Variants in HDAC9 observed in about 807,000 individuals in gnomAD.
HDAC9 encodes the protein histone deacetylase 9.
HDAC9 carries 41 observed loss-of-function variants against 139.4 expected under a neutral mutation model. That is an observed-to-expected ratio of 0.29 (90% CI 0.23 to 0.38). HDAC9 has a LOEUF of 0.38. HDAC9 is among the 10% of genes least tolerant of loss of function. The pLI is 1.00. For missense variants in HDAC9, 1,147 were observed against 1,297.0 expected (o/e 0.88, Z 1.78); for synonymous variants, 517 against 476.2 (o/e 1.09, Z -1.12).
chr7:18,556,372 A>G (rs1457280806), intron 2 of HDAC9, among the ~76,000 whole-genome samples: 1 of 152,112 alleles, frequency 6.6e-6, no homozygotes. Context: ...TTATCCATTG[A>G]GCAAGGGCTT....
At chr7:18,994,582 A>T (rs572393916) in intron 25 of HDAC9, among the ~76,000 whole-genome samples, 1 of 152,188 alleles carries the variant, frequency 6.6e-6, no homozygotes, top group East Asian at 1.9e-4. Flanking sequence ...GTAACAATAA[A>T]TAATGAAGAC....
intron 14 of HDAC9, among the ~76,000 whole-genome samples, chr7:18,758,678 G>C (rs1789097908): frequency 1.3e-5 from 2 of 152,114 alleles, no homozygotes; most frequent in Non-Finnish European, 2.9e-5. Flanking sequence ...GAAAGCTGTT[G>C]CTCTTTCAGA....
chr7:18,163,572 G>T (rs887179334), intron 2 of HDAC9, among the ~76,000 whole-genome samples: 1 of 152,032 alleles, frequency 6.6e-6, no homozygotes, highest in African/African-American at 2.4e-5. Flanking sequence ...CCACACTTTG[G>T]GAATCACTGG....
intron 2 of HDAC9, among the ~76,000 whole-genome samples, chr7:18,243,219 G>A (rs1020555058): frequency 1.3e-5 from 2 of 152,216 alleles, no homozygotes; most frequent in Non-Finnish European, 2.9e-5. Context: ...AGGAAAAAAT[G>A]TTCGATGGAT....
At chr7:18,227,581 G>T (rs1435891514) in intron 2 of HDAC9, among the ~76,000 whole-genome samples, 2 of 152,080 alleles carry the variant, frequency 1.3e-5, no homozygotes, top group African/African-American at 4.8e-5. Context: ...CTTAGGTGCA[G>T]ATAAAGAGCC....
At chr7:18,836,102 A>G (rs1208927707) in intron 21 of HDAC9, 105 bp downstream of exon 21, 1 of 638,426 alleles carries the variant, frequency 1.6e-6, no homozygotes, top group Non-Finnish European at 2.7e-6. Flanking sequence ...AAGGTAAATT[A>G]TCGCTCAAAG....
chr7:18,473,117 A>T (rs938265104), intron 1 of HDAC9, among the ~76,000 whole-genome samples: 6 of 152,220 alleles, frequency 3.9e-5, no homozygotes, highest in Non-Finnish European at 8.8e-5. Context: ...CTCTGGTCCC[A>T]GAAACAAATA....
Position 18,229,473 on chromosome 7 carries a change from G to A in HDAC9, c.25+67124G>A, listed in dbSNP as rs541453167. ...GTATTCCAGCAGCAGGCTCGGTGCC[G>A]TGCCTGATGTGCCGAAAGGTGCCTC... On this transcript the variant is annotated intron_variant, in intron 2 of 12. Transcript: ENST00000417496. Among the ~76,000 whole-genome samples, 140 of 152,264 alleles carry A rather than the reference G, an allele frequency of 9.2e-4. 1 individual carries two copies. Among genetic ancestry groups the A allele is most frequent in the African/African-American group, 3.3e-3 (136 of 41,562 alleles).
At chr7:18,776,233 G>A (rs552457309) in intron 16 of HDAC9, among the ~76,000 whole-genome samples, 10 of 152,124 alleles carry the variant, frequency 6.6e-5, no homozygotes, top group Admixed American at 3.9e-4. Flanking sequence ...CTGAACCACT[G>A]TGCCTGGCAA....
At chr7:18,119,458 G>A (rs1262777597) in intron 1 of HDAC9, among the ~76,000 whole-genome samples, 2 of 152,168 alleles carry the variant, frequency 1.3e-5, no homozygotes, top group African/African-American at 2.4e-5. Flanking sequence ...TAGAGAGACC[G>A]AAGCTACCAG....
chr7:18,637,058 G>A (rs986401972), intron 8 of HDAC9, among the ~76,000 whole-genome samples: 7 of 152,024 alleles, frequency 4.6e-5, no homozygotes, highest in African/African-American at 1.4e-4. Context: ...TCTGAGAAAT[G>A]CATTGTCATT....
intron 22 of HDAC9, among the ~76,000 whole-genome samples, chr7:18,929,546 A>G (rs1429203023): frequency 6.6e-6 from 1 of 152,214 alleles, no homozygotes; most frequent in Non-Finnish European, 1.5e-5. Flanking sequence ...ACCAGGCTAC[A>G]TGTAGGATTC....
chr7:18,756,348 A>G (rs1166601293), intron 14 of HDAC9, among the ~76,000 whole-genome samples: 2 of 152,200 alleles, frequency 1.3e-5, no homozygotes, highest in Non-Finnish European at 2.9e-5. Flanking sequence ...AATTATTAAA[A>G]GCGTTTATTA....
At position 18,117,797 on chromosome 7, in the gene HDAC9, T is replaced by G. The variant is rs534114531; in HGVS notation, c.-97+30584T>G. Among the ~76,000 whole-genome samples, 29 of 152,342 alleles carry G rather than the reference T, an allele frequency of 1.9e-4. 1 individual carries two copies. In the South Asian group the frequency reaches 6.0e-3, roughly 32 times the overall value. ...ATCTGTGGTTTTAAGCTGCCCAGTC[T>G]GTGGTACTTTGTTACGGCAGCCCTA... On this transcript the variant is annotated intron_variant, in intron 1 of 12. Transcript: ENST00000417496.
At chr7:18,728,271 A>G (rs1785720501) in intron 13 of HDAC9, among the ~76,000 whole-genome samples, 1 of 152,058 alleles carries the variant, frequency 6.6e-6, no homozygotes, top group Non-Finnish European at 1.5e-5. Context: ...ATTTCTATTC[A>G]TTATGGAATC....
At chr7:18,424,886 G>A (rs1157622874) in intron 1 of HDAC9, among the ~76,000 whole-genome samples, 1 of 152,108 alleles carries the variant, frequency 6.6e-6, no homozygotes, top group East Asian at 1.9e-4. Flanking sequence ...CTGGGCAACA[G>A]AGCGAGACTA....
At position 18,191,248 on chromosome 7, in the gene HDAC9, A is replaced by G. The variant is rs887236996; in HGVS notation, c.25+28899A>G. On this transcript the variant is annotated intron_variant, in intron 2 of 12. Transcript: ENST00000417496. ...AAAAAAATTAAGAAAATCATAAGGA[A>G]GGAAAGATATATTGCCATTTATTAG... 2.0e-5 allele frequency among the ~76,000 whole-genome samples: 3 copies of G among 152,218 alleles called. No individual in the cohort carries two copies. In the East Asian group the frequency reaches 5.8e-4, roughly 29 times the overall value.
chr7:18,774,169 T>TA (rs947374545), intron 16 of HDAC9, among the ~76,000 whole-genome samples: 1 of 151,852 alleles, frequency 6.6e-6, no homozygotes, highest in Non-Finnish European at 1.5e-5. Context: ...TAACTTTAAA[T>TA]AAAAAATAAT....
chr7:18,777,655 A>C (rs1790893412), intron 16 of HDAC9, among the ~76,000 whole-genome samples: 1 of 152,032 alleles, frequency 6.6e-6, no homozygotes, highest in South Asian at 2.1e-4. Flanking sequence ...GAATCAAGAA[A>C]AAAAACTTGG....
Sources: gnomAD v4.1 joint callset for allele counts (sites outside exome capture counted in the v4.1 genomes callset) on GRCh38, gnomAD v4.1.1 for gene constraint, MANE v1.5 for transcripts, NCBI Gene and HGNC (gene_info 2026-07-23, HGNC 2026-07-21) for gene names.